The following ZNF536 variants were observed in gnomAD, a reference collection of about 807,000 sequenced individuals.
The protein encoded by ZNF536 is zinc finger protein 536.
A neutral mutation model predicts 84.5 loss-of-function variants in ZNF536; 13 were observed. The observed-to-expected ratio is 0.15, with a 90% confidence interval of 0.10 to 0.24. ZNF536 has a LOEUF of 0.24. Ranked by LOEUF, ZNF536 falls within the 10% of genes least tolerant of loss-of-function variation. ZNF536 has a pLI of 1.00. For missense variants in ZNF536, 1,536 were observed against 1,747.5 expected, an observed-to-expected ratio of 0.88 and a Z score of 2.16; for synonymous variants, 811 against 742.5, an observed-to-expected ratio of 1.09 and a Z score of -1.50.
intron 2 of ZNF536, chr19:30,284,229 C>G (rs1256093187): frequency 6.6e-6 from 1 of 152,182 alleles, no homozygotes; most frequent in African/African-American, 2.4e-5. Flanking sequence ...GCTGCTGATC[C>G]CTATGCAGAG....
chr19:30,481,574 A>T (rs1462690732), intron 2 of ZNF536, among the ~76,000 whole-genome samples: 2 of 152,336 alleles, frequency 1.3e-5, no homozygotes, highest in African/African-American at 2.4e-5. Context: ...TTGAGTTTTT[A>T]AAAAATGCCA....
At chr19:30,564,364 T>G (rs972793573) in intron 1 of ZNF536, among the ~76,000 whole-genome samples, 1 of 150,386 alleles carries the variant, frequency 6.6e-6, no homozygotes, top group Non-Finnish European at 1.5e-5. Context: ...AGAAGAGAAA[T>G]GGTGGAGGTT....
At chr19:30,688,146 C>T (rs1051262649) in intron 1 of ZNF536, among the ~76,000 whole-genome samples, 2 of 152,146 alleles carry the variant, frequency 1.3e-5, no homozygotes, top group African/African-American at 4.8e-5. Flanking sequence ...GTTCAGTCCA[C>T]CTCCCATCTC....
chr19:30,273,042 GC>G (rs1277025191), intron 1 of ZNF536, among the ~76,000 whole-genome samples: 1 of 152,110 alleles, frequency 6.6e-6, no homozygotes, highest in African/African-American at 2.4e-5. Flanking sequence ...CATCTTGACT[GC>G]AGGTATGCAC....
At chr19:30,631,845 G>A (rs1298085926) in intron 1 of ZNF536, among the ~76,000 whole-genome samples, 1 of 152,214 alleles carries the variant, frequency 6.6e-6, no homozygotes, top group East Asian at 1.9e-4. Flanking sequence ...AGCACTCGAG[G>A]ATTAATATGG....
At chr19:30,485,070 G>A (rs1209755582) in intron 2 of ZNF536, among the ~76,000 whole-genome samples, 1 of 152,058 alleles carries the variant, frequency 6.6e-6, no homozygotes, top group African/African-American at 2.4e-5. Flanking sequence ...TGTGAACCCG[G>A]AAGGCAGAGC....
intron 1 of ZNF536, among the ~76,000 whole-genome samples, chr19:30,260,753 A>G (rs1185167472): frequency 6.6e-6 from 1 of 152,214 alleles, no homozygotes; most frequent in Non-Finnish European, 1.5e-5. Context: ...GCGAACCTGC[A>G]AAGGCTTCAG....
chr19:30,692,915 C>T (rs964340242), intron 1 of ZNF536, among the ~76,000 whole-genome samples: 1 of 152,168 alleles, frequency 6.6e-6, no homozygotes, highest in African/African-American at 2.4e-5. Flanking sequence ...ACTTTAATTA[C>T]ACACGGGCTC....
downstream of ZNF536, among the ~76,000 whole-genome samples, chr19:30,559,819 T>A (rs796989674): frequency 4.6e-5 from 7 of 152,264 alleles, no homozygotes; most frequent in African/African-American, 1.4e-4. Context: ...TTCCTTTCCA[T>A]GGGGGCCCAA....
intron 1 of ZNF536, among the ~76,000 whole-genome samples, chr19:30,634,752 G>A (rs946679842): frequency 6.6e-6 from 1 of 152,072 alleles, no homozygotes; most frequent in African/African-American, 2.4e-5. Flanking sequence ...AATCCAACCA[G>A]AAAGGGGACG....
intron 2 of ZNF536, among the ~76,000 whole-genome samples, chr19:30,493,637 T>C (rs2054599750): frequency 6.6e-6 from 1 of 152,190 alleles, no homozygotes; most frequent in Admixed American, 6.5e-5. Context: ...GAGATTTCTC[T>C]GGAACTGTCT....
At chr19:30,697,446 T>TA (rs918251735) in intron 1 of ZNF536, among the ~76,000 whole-genome samples, 3 of 152,234 alleles carry the variant, frequency 2.0e-5, no homozygotes, top group Non-Finnish European at 4.4e-5. Flanking sequence ...TTTTAATACT[T>TA]ACAGCCTTTT....
intron 2 of ZNF536, among the ~76,000 whole-genome samples, chr19:30,503,260 A>G (rs1256451022): frequency 1.3e-5 from 2 of 152,248 alleles, no homozygotes; most frequent in Non-Finnish European, 2.9e-5. Flanking sequence ...ATGAAGGGTT[A>G]ATATTCCTGG....
At chr19:30,442,670 A>C (rs2052109603) in intron 1 of ZNF536, among the ~76,000 whole-genome samples, 1 of 152,236 alleles carries the variant, frequency 6.6e-6, no homozygotes, top group Admixed American at 6.5e-5. Flanking sequence ...GTCAGGAGAT[A>C]ATTTATACTT....
rs138901038 is a variant in ZNF536, at chr19:30,569,497, G to T, written c.169+19983G>T. 1.8e-4 allele frequency among the ~76,000 whole-genome samples: 27 copies of T among 149,898 alleles called. No homozygotes were observed. The East Asian group carries it at 5.0e-3, about 28-fold the overall frequency. ...ACCTACCTTGCCACTCAGTCTCTGG[G>T]TTAGGTGAGGAAGCCAACCTCCTCA... On this transcript the variant is annotated intron_variant, in intron 1 of 1. Transcript: ENST00000592773.
chr19:30,672,815 C>A (rs1000069241), intron 1 of ZNF536, among the ~76,000 whole-genome samples: 2 of 152,104 alleles, frequency 1.3e-5, no homozygotes, highest in African/African-American at 2.4e-5. Context: ...GTGGGGGGAG[C>A]AGATGTAGGC....
At chr19:30,628,224 A>G (rs993590732) in intron 1 of ZNF536, among the ~76,000 whole-genome samples, 2 of 152,182 alleles carry the variant, frequency 1.3e-5, no homozygotes, top group African/African-American at 4.8e-5. Context: ...CCTTTGTGGG[A>G]GAGCCTGGGA....
At chr19:30,688,254 C>T (rs2051275279) in intron 1 of ZNF536, among the ~76,000 whole-genome samples, 1 of 152,180 alleles carries the variant, frequency 6.6e-6, no homozygotes, top group Non-Finnish European at 1.5e-5. Context: ...CTCTCCTTCC[C>T]AGCACCTGAG....
intron 2 of ZNF536, among the ~76,000 whole-genome samples, chr19:30,473,740 C>T (rs1315550097): frequency 1.3e-5 from 2 of 152,178 alleles, no homozygotes; most frequent in Admixed American, 6.5e-5. Context: ...TCAGAGGAGA[C>T]GTCCCGCCCA....
Sources: gnomAD v4.1 joint callset for allele counts (sites outside exome capture counted in the v4.1 genomes callset) on GRCh38, gnomAD v4.1.1 for gene constraint, MANE v1.5 for transcripts, NCBI Gene and HGNC (gene_info 2026-07-23, HGNC 2026-07-21) for gene names.